The following IL1RAPL2 variants were observed in gnomAD, a reference collection of about 807,000 sequenced individuals.
IL1RAPL2 encodes the protein X-linked interleukin-1 receptor accessory protein-like 2.
In IL1RAPL2, 3 loss-of-function variants were observed where a neutral mutation model predicts 44.1. That is an observed-to-expected ratio of 0.07 (90% confidence interval 0.03 to 0.18). The LOEUF (loss-of-function observed/expected upper bound fraction) is 0.18, where lower values mean the gene tolerates loss of function less well. Among genes scored for constraint, IL1RAPL2 ranks in the 10% least tolerant of loss-of-function variants. The pLI is 1.00. For synonymous variants in IL1RAPL2, 181 were observed against 178.8 expected (o/e 1.01, Z -0.10); for missense variants, 391 against 496.4 (o/e 0.79, Z 2.02).
intron 6 of IL1RAPL2, among the ~76,000 whole-genome samples, chrX:105,597,919 A>G (rs2037223602): frequency 8.9e-6 from 1 of 111,747 alleles, no homozygotes; most frequent in Non-Finnish European, 1.9e-5. Flanking sequence ...AAAATTAAAA[A>G]TAGAACTACC....
At chrX:104,677,739 A>G (rs1373337523) in intron 2 of IL1RAPL2, among the ~76,000 whole-genome samples, 1 of 111,837 alleles carries the variant, frequency 8.9e-6, no homozygotes, top group Non-Finnish European at 1.9e-5. Flanking sequence ...CTGTGCCAGC[A>G]GTCAGCGAGA....
At chrX:104,603,720 C>T (rs966426097) in intron 1 of IL1RAPL2, among the ~76,000 whole-genome samples, 1 of 110,652 alleles carries the variant, frequency 9.0e-6, no homozygotes, top group East Asian at 2.8e-4. Context: ...TGAAGATCAA[C>T]CTAATGAAAT....
chrX:105,224,323 C>CAAA (rs1556186279), intron 3 of IL1RAPL2, among the ~76,000 whole-genome samples: 2 of 111,546 alleles, frequency 1.8e-5, no homozygotes, highest in Non-Finnish European at 3.8e-5. Context: ...TGAGGGTGAA[C>CAAA]AAAAGGTCAT....
intron 10 of IL1RAPL2, among the ~76,000 whole-genome samples, chrX:105,764,254 C>T (rs866024888): frequency 9.0e-6 from 1 of 111,478 alleles, no homozygotes; most frequent in South Asian, 3.8e-4. Context: ...TCTAATAAGT[C>T]TCTAAGAAGC....
Position 104,756,513 on chromosome X carries a change from T to A in IL1RAPL2, c.82+97518T>A, listed in dbSNP as rs571874509. Among the ~76,000 whole-genome samples the A allele has an allele frequency of 2.7e-5, 3 of 110,902 alleles. No individual in the cohort carries two copies. The South Asian group carries it at 1.1e-3, about 42-fold the overall frequency. ...AAAATTTTATGGAAGATGGAGTAAG[T>A]CTTTTTTTGTTCATTGTACTAATAT... On this transcript the variant is annotated intron_variant, in intron 2 of 10. Transcript: ENST00000372582.
chrX:105,174,067 CT>C (rs1298874404), intron 2 of IL1RAPL2, among the ~76,000 whole-genome samples: 1 of 110,721 alleles, frequency 9.0e-6, no homozygotes, highest in South Asian at 3.9e-4. Flanking sequence ...CCAACCAATC[CT>C]TTTTTTTAGG....
chrX:105,077,446 A>AC (rs766200460), intron 2 of IL1RAPL2, among the ~76,000 whole-genome samples: 1 of 111,763 alleles, frequency 8.9e-6, no homozygotes, highest in African/African-American at 3.3e-5. Flanking sequence ...TTTGTGGGTA[A>AC]CCAGACCTTT....
In IL1RAPL2 at chrX:105,559,276, T is replaced by C. The variant is rs966986319; in HGVS notation, c.772+74889T>C. On this transcript the variant is annotated intron_variant, in intron 6 of 10. Transcript: ENST00000372582. ...AAAAGGGAGATTCATTGAGAGTTTG[T>C]GGATTTTTAATCAGAAAGCCATCTC... Among the ~76,000 whole-genome samples, 5 of 111,917 alleles carry C rather than the reference T, an allele frequency of 4.5e-5. No homozygotes were observed. The East Asian group carries it at 1.4e-3, about 31-fold the overall frequency.
chrX:105,081,584 G>A (rs2032407595), intron 2 of IL1RAPL2, among the ~76,000 whole-genome samples: 1 of 111,057 alleles, frequency 9.0e-6, no homozygotes, highest in South Asian at 3.8e-4. Flanking sequence ...CCAGCTCCTT[G>A]GTCCCATTCA....
At chrX:104,747,661 A>G (rs1459825001) in intron 2 of IL1RAPL2, among the ~76,000 whole-genome samples, 1 of 110,986 alleles carries the variant, frequency 9.0e-6, no homozygotes, top group African/African-American at 3.3e-5. Flanking sequence ...AGTAGTCGTT[A>G]ACCAGGCTAT....
chrX:104,903,181 G>A (rs1923867659), intron 2 of IL1RAPL2, among the ~76,000 whole-genome samples: 2 of 111,681 alleles, frequency 1.8e-5, no homozygotes, highest in Non-Finnish European at 3.8e-5. Context: ...GAGAAAGCAA[G>A]CTATTTTGAG....
At chrX:104,584,620 C>T (rs1006279119) in intron 1 of IL1RAPL2, among the ~76,000 whole-genome samples, 1 of 110,860 alleles carries the variant, frequency 9.0e-6, no homozygotes, top group Non-Finnish European at 1.9e-5. Flanking sequence ...TGAAAAGCTC[C>T]TAAGTGAAAA....
chrX:105,486,864 G>T (rs2036272421), intron 6 of IL1RAPL2, among the ~76,000 whole-genome samples: 1 of 109,476 alleles, frequency 9.1e-6, no homozygotes. Context: ...AGGCCGAGGA[G>T]GGCAGATCAC....
rs6616542 is a variant in IL1RAPL2 at position 104,616,848 on chromosome X, G to A, written c.-19-42047G>A. Among the ~76,000 whole-genome samples the A allele has an allele frequency of 2.4e-3, 274 of 111,897 alleles. 4 individuals carry two copies. The East Asian group carries it at 0.054, about 22-fold the overall frequency. On this transcript the variant is annotated intron_variant, in intron 1 of 10. Transcript: ENST00000372582. ...TTGAGTAATAAAACTCTGGTGTCCC[G>A]CACAGCCGGCTCTGCGTGAATTACC...
intron 2 of IL1RAPL2, among the ~76,000 whole-genome samples, chrX:105,123,279 T>G (rs1363671924): frequency 9.0e-6 from 1 of 111,020 alleles, no homozygotes; most frequent in African/African-American, 3.3e-5. Flanking sequence ...TAGGAAAACT[T>G]TATTCCTGCA....
At chrX:105,217,132 A>G (rs1967248533) in intron 3 of IL1RAPL2, among the ~76,000 whole-genome samples, 1 of 108,009 alleles carries the variant, frequency 9.3e-6, no homozygotes, top group African/African-American at 3.4e-5. Context: ...GAGCTTCTGC[A>G]CAGCAAAAGA....
chrX:105,574,034 A>G (rs1408464648), intron 6 of IL1RAPL2, among the ~76,000 whole-genome samples: 1 of 111,534 alleles, frequency 9.0e-6, no homozygotes, highest in Non-Finnish European at 1.9e-5. Context: ...TGAGTAAGTT[A>G]AAAAGAAAAC....
At chrX:105,526,895 C>A (rs2036598694) in intron 6 of IL1RAPL2, among the ~76,000 whole-genome samples, 1 of 111,133 alleles carries the variant, frequency 9.0e-6, no homozygotes, top group Admixed American at 9.6e-5. Context: ...AAGTTTGATG[C>A]AAAATAATAA....
chrX:105,104,517 A>G (rs1043736625), intron 2 of IL1RAPL2, among the ~76,000 whole-genome samples: 3 of 112,340 alleles, frequency 2.7e-5, no homozygotes, highest in Non-Finnish European at 5.6e-5. Flanking sequence ...CCAAACTAGG[A>G]CTAGAGCTCT....
Sources: gnomAD v4.1 joint callset for allele counts (sites outside exome capture counted in the v4.1 genomes callset) on GRCh38, gnomAD v4.1.1 for gene constraint, MANE v1.5 for transcripts, NCBI Gene and HGNC (gene_info 2026-07-23, HGNC 2026-07-21) for gene names.